The following DYRK4 variants were observed in gnomAD, a reference collection of about 807,000 sequenced individuals.
The protein encoded by DYRK4 is dual specificity tyrosine-phosphorylation-regulated kinase 4.
A neutral mutation model predicts 68.3 loss-of-function variants in DYRK4; 64 were observed. That is an observed-to-expected ratio of 0.94 (90% confidence interval 0.77 to 1.15). The LOEUF is 1.15. Among genes scored for constraint, DYRK4 ranks in the 50% most tolerant of loss-of-function variants. DYRK4 has a pLI of 0.00. For missense variants in DYRK4, 740 were observed against 764.7 expected (o/e 0.97, Z 0.38); for synonymous variants, 274 against 289.9 (o/e 0.95, Z 0.56).
chr12:4,603,349 C>A, intron 10 of DYRK4: 1 of 534,132 alleles, frequency 1.9e-6, no homozygotes, highest in Non-Finnish European at 3.4e-6. Flanking sequence ...TAGTTAACCC[C>A]TCCAGGTCCT....
chr12:4,567,872 G>A, intron 1 of DYRK4, 83 bp from the exon 2 acceptor site: 1 of 1,206,220 alleles, frequency 8.3e-7, no homozygotes, highest in Admixed American at 2.2e-5. Context: ...AAACCTGCCT[G>A]CTTTCTTCTG....
chr12:4,613,492 C>G lies in DYRK4; in HGVS notation c.1667-23C>G, dbSNP rs749749225. The stretch of plus-strand genomic sequence containing the variant: ...ATCCACATTTGAATCTTGTTCCCTT[C>G]TGTCTTCTCTCTCCTTTAGCAGATG... On this transcript the variant is annotated intron_variant, in intron 14 of 14. Coordinates refer to ENST00000543431, the MANE Select transcript of DYRK4 (RefSeq NM_001394779.1). The surrounding 1 kb of genome is among the most constrained non-coding windows in gnomAD (Gnocchi z 4.0). 6.3e-7 allele frequency: 1 copy of G among 1,593,790 alleles called. No homozygotes were observed. The highest frequency in any genetic ancestry group is 1.7e-5 in the Admixed American group (1 of 58,930).
chr12:4,597,002 C>G, intron 8 of DYRK4: 1 of 1,284,760 alleles, frequency 7.8e-7, no homozygotes, highest in Non-Finnish European at 9.8e-7. Flanking sequence ...GGCCTCTTTC[C>G]TTAAGAGCTA....
chr12:4,584,490 G>A (rs1944874677), intron 2 of DYRK4, among the ~76,000 whole-genome samples: 1 of 151,638 alleles, frequency 6.6e-6, no homozygotes, highest in African/African-American at 2.4e-5. Context: ...AATGCCAGGT[G>A]CAGAGTAGGG....
chr12:4,605,106 T>A lies in DYRK4; in HGVS notation c.1299+20T>A. ...ATGGAGGTACGCGGAGGGCTGGCGGTCGGCTCCCACGGAGACCGTGGGCTT... is the reference window on the plus strand; with the variant it reads ...ATGGAGGTACGCGGAGGGCTGGCGGACGGCTCCCACGGAGACCGTGGGCTT... On this transcript the variant is annotated intron_variant, in intron 11 of 14. Coordinates refer to ENST00000543431, the MANE Select transcript of DYRK4 (RefSeq NM_001394779.1). 6.2e-7 allele frequency: 1 copy of A among 1,606,974 alleles called. No homozygotes were observed. The highest frequency in any genetic ancestry group is 1.1e-5 in the South Asian group (1 of 90,068).
In DYRK4 at chr12:4,591,046, G is replaced by T; in HGVS notation, c.325-114G>T. 1 of 1,260,046 alleles carries T rather than the reference G, an allele frequency of 7.9e-7. No homozygotes were observed. The highest frequency in any genetic ancestry group is 1.1e-6 in the Non-Finnish European group (1 of 911,364). The allele number at this position is 1,260,046 out of a possible 1,614,324, so 78.1% of individuals were successfully genotyped here. A position where few individuals can be genotyped will look rare whatever the true frequency, so the allele number is the denominator to read the frequency against. On this transcript the variant is annotated intron_variant, in intron 4 of 14. Coordinates refer to ENST00000543431, the MANE Select transcript of DYRK4 (RefSeq NM_001394779.1). The surrounding 1 kb of genome is among the most constrained non-coding windows in gnomAD (Gnocchi z 4.1). ...TCTCTTAATCGCTGTTTTCTCCCTG[G>T]AGAGGTAGGTAAAGAGCCTGGCTGA...
intron 2 of DYRK4, among the ~76,000 whole-genome samples, chr12:4,588,543 C>T (rs1944920505): frequency 6.6e-6 from 1 of 152,216 alleles, no homozygotes. Flanking sequence ...ATGCCACCTT[C>T]AGAGCCACAC....
At chr12:4,608,361 T>C (rs1945178099) in intron 12 of DYRK4, among the ~76,000 whole-genome samples, 1 of 152,148 alleles carries the variant, frequency 6.6e-6, no homozygotes, top group African/African-American at 2.4e-5. Flanking sequence ...CTCCCACCTC[T>C]GATTTTCAAC....
chr12:4,575,128 A>G (rs1279147454), intron 2 of DYRK4, among the ~76,000 whole-genome samples: 1 of 152,224 alleles, frequency 6.6e-6, no homozygotes, highest in African/African-American at 2.4e-5. Flanking sequence ...CCGCTGGGTA[A>G]CAGGATATGT....
chr12:4,611,835 ATGGT>A (rs1486421223), intron 13 of DYRK4, among the ~76,000 whole-genome samples: 12 of 152,224 alleles, frequency 7.9e-5, no homozygotes, highest in African/African-American at 2.9e-4. Context: ...ATATTTTCAG[ATGGT>A]TGAAGGACTG....
At chr12:4,587,364 G>A (rs1160818566) in intron 2 of DYRK4, among the ~76,000 whole-genome samples, 1 of 152,124 alleles carries the variant, frequency 6.6e-6, no homozygotes, top group East Asian at 1.9e-4. Flanking sequence ...ATCCTCCTGG[G>A]CCGATTGCAT....
intron 6 of DYRK4, among the ~76,000 whole-genome samples, chr12:4,594,063 C>T (rs565606409): frequency 2.6e-5 from 4 of 152,240 alleles, no homozygotes; most frequent in South Asian, 2.1e-4. Flanking sequence ...GCAAGGATTT[C>T]GTTTCTGTCA....
Position 4,613,689 on chromosome 12 carries a change from C to A in DYRK4, c.1841C>A (p.Thr614Asn). ...GCTGTCGGGGCGGAGGTGTCCATGACCTCCCCAGGACAGAGCAAAAACTTC... is the reference window on the plus strand; with the variant it reads ...GCTGTCGGGGCGGAGGTGTCCATGAACTCCCCAGGACAGAGCAAAAACTTC... ...EAAVGAEVSM[T>N]SPGQSKNFSL... The change falls in exon 15 of 15, where the codon ACC (threonine) becomes AAC (asparagine). Residue 614 changes from threonine to asparagine, a missense_variant. Thr to Asn is a moderately conservative substitution (Grantham distance 65). Around this residue, in one of 3 missense-constraint regions of DYRK4, gnomAD observed 614 missense variants for 603.7 expected, o/e 1.02. Coordinates refer to ENST00000543431, the MANE Select transcript of DYRK4 (RefSeq NM_001394779.1). This position sits in a 1 kb window ranked among gnomAD's most constrained non-coding sequence, Gnocchi z 4.0. 6 of 1,612,554 alleles carry A rather than the reference C, an allele frequency of 3.7e-6. No homozygotes were observed. Among genetic ancestry groups the A allele is most frequent in the Non-Finnish European group, 5.1e-6 (6 of 1,178,688 alleles).
At chr12:4,607,186 C>G in intron 11 of DYRK4, 141 bp from the exon 12 acceptor site, 2 of 871,894 alleles carry the variant, frequency 2.3e-6, no homozygotes, top group East Asian at 5.4e-5. Context: ...TGGGTTTGCT[C>G]TGCTACTGAC....
intron 2 of DYRK4, among the ~76,000 whole-genome samples, chr12:4,584,570 T>G (rs1944875834): frequency 1.3e-5 from 2 of 148,328 alleles, no homozygotes; most frequent in South Asian, 4.4e-4. Context: ...TTTTTTTTTT[T>G]TTTGAGGCAG....
At chr12:4,563,744 G>A (rs1351896014) in intron 1 of DYRK4, among the ~76,000 whole-genome samples, 1 of 152,220 alleles carries the variant, frequency 6.6e-6, no homozygotes, top group Non-Finnish European at 1.5e-5. Flanking sequence ...GCAAGGGAGA[G>A]AAAGCTTTTT....
At chr12:4,562,562 G>A (rs1430102715) in intron 1 of DYRK4, among the ~76,000 whole-genome samples, 1 of 152,244 alleles carries the variant, frequency 6.6e-6, no homozygotes, top group African/African-American at 2.4e-5. Context: ...GCAGGACAGG[G>A]AGCGAGGGGT....
At chr12:4,567,649 T>C (rs1427476546) in intron 1 of DYRK4, among the ~76,000 whole-genome samples, 3 of 152,232 alleles carry the variant, frequency 2.0e-5, no homozygotes. Flanking sequence ...GGGGATATTA[T>C]GTTTGTGGCA....
At chr12:4,580,930 C>A (rs1944836346) in intron 2 of DYRK4, 1 of 454,182 alleles carries the variant, frequency 2.2e-6, no homozygotes. Flanking sequence ...GGCTGGGTGG[C>A]CTGAGGCCTG....
Sources: allele counts gnomAD v4.1 joint callset (sites outside exome capture counted in the v4.1 genomes callset), GRCh38; gene constraint gnomAD v4.1.1; regional missense constraint gnomAD v4.1.1; non-coding constraint Gnocchi (gnomAD v3.1); transcripts MANE v1.5; gene names NCBI Gene and HGNC (gene_info 2026-07-23, HGNC 2026-07-21).